The following GABRB2 variants were observed in gnomAD, a reference collection of about 807,000 sequenced individuals.
The protein encoded by GABRB2 is gamma-aminobutyric acid type A receptor subunit beta2.
A neutral mutation model predicts 54.7 loss-of-function variants in GABRB2; 16 were observed. The ratio of observed to expected loss-of-function variants is 0.29; its 90% CI spans 0.20 to 0.44. The LOEUF is 0.44. Among genes scored for constraint, GABRB2 ranks in the 20% least tolerant of loss-of-function variants. The probability of loss-of-function intolerance (pLI) is 1.00; values close to 1 mark genes in which losing one functional copy is unlikely to be tolerated. For missense variants in GABRB2, 355 were observed against 644.0 expected (o/e 0.55, Z 4.86); for synonymous variants, 244 against 233.8 (o/e 1.04, Z -0.40).
intron 3 of GABRB2, among the ~76,000 whole-genome samples, chr5:161,488,056 G>C (rs1296746175): frequency 6.7e-6 from 1 of 148,578 alleles, no homozygotes; most frequent in Non-Finnish European, 1.5e-5. Context: ...AAGAATAATT[G>C]ATCAGGTGAA....
intron 5 of GABRB2, among the ~76,000 whole-genome samples, chr5:161,359,541 T>TA (rs1223359805): frequency 1.3e-5 from 2 of 152,014 alleles, no homozygotes; most frequent in African/African-American, 4.8e-5. Flanking sequence ...GTAGAATAGG[T>TA]ACGCTTTTAC....
In GABRB2 at chr5:161,345,829, G is replaced by A. The variant is rs111294626; in HGVS notation, c.542-9060C>T. ...TTCAAGAGGGTGAAGAACCATGTCC[G>A]GTCCTTCTCTATAGCTCTTTTCCTT... On this transcript the variant is annotated intron_variant, in intron 5 of 9. Coordinates refer to ENST00000393959, the MANE Select transcript of GABRB2 (RefSeq NM_001371727.1). 7.6e-3 allele frequency among the ~76,000 whole-genome samples: 1,151 copies of A among 152,058 alleles called. 21 individuals carry two copies. The highest frequency in any genetic ancestry group is 0.05 in the South Asian group (239 of 4,814).
chr5:161,437,776 C>T (rs1273230770), intron 4 of GABRB2, among the ~76,000 whole-genome samples: 1 of 152,146 alleles, frequency 6.6e-6, no homozygotes, highest in Non-Finnish European at 1.5e-5. Context: ...TCCTCATAGC[C>T]TGGGGTGGTG....
intron 4 of GABRB2, among the ~76,000 whole-genome samples, chr5:161,425,785 TA>T (rs1756980543): frequency 6.6e-6 from 1 of 152,160 alleles, no homozygotes; most frequent in Non-Finnish European, 1.5e-5. Context: ...CATGAGGACA[TA>T]GCTTACATTT....
At chr5:161,305,994 A>T (rs1757680868) in intron 9 of GABRB2, among the ~76,000 whole-genome samples, 1 of 152,228 alleles carries the variant, frequency 6.6e-6, no homozygotes, top group Non-Finnish European at 1.5e-5. Flanking sequence ...GTGAGTAGTA[A>T]ATGTGAAAGT....
intron 3 of GABRB2, among the ~76,000 whole-genome samples, chr5:161,463,518 T>C (rs960512382): frequency 7.1e-6 from 1 of 140,452 alleles, no homozygotes; most frequent in African/African-American, 2.6e-5. Flanking sequence ...AGGATTTTTT[T>C]TGTAGATGTT....
intron 5 of GABRB2, among the ~76,000 whole-genome samples, chr5:161,402,508 T>C (rs1448838200): frequency 6.6e-6 from 1 of 152,144 alleles, no homozygotes. Context: ...AAGAATGCCA[T>C]CATTCAGCCA....
intron 4 of GABRB2, among the ~76,000 whole-genome samples, chr5:161,416,696 CAAAAAAAAAAAAAAAA>C (rs70990782): frequency 2.8e-5 from 1 of 35,120 alleles, no homozygotes; most frequent in Non-Finnish European, 7.1e-5. Flanking sequence ...GACTCCGTCT[CAAAAAAAAAAAAAAAA>C]AAAAAAAAAA....
chr5:161,532,218 T>A (rs1760483540), intron 3 of GABRB2, among the ~76,000 whole-genome samples: 1 of 152,084 alleles, frequency 6.6e-6, no homozygotes. Context: ...TTCATATGTA[T>A]GTATATATGT....
At chr5:161,439,699 T>G (rs1382821228) in intron 4 of GABRB2, among the ~76,000 whole-genome samples, 1 of 152,200 alleles carries the variant, frequency 6.6e-6, no homozygotes, top group Non-Finnish European at 1.5e-5. Flanking sequence ...GTTTTCTTTT[T>G]GCTTGTCTGC....
intron 8 of GABRB2, among the ~76,000 whole-genome samples, chr5:161,328,628 T>C (rs1043333153): frequency 1.3e-5 from 2 of 152,178 alleles, no homozygotes; most frequent in Non-Finnish European, 2.9e-5. Flanking sequence ...TTCTTACACA[T>C]GCTGCTCAAA....
chr5:161,524,628 C>T (rs567211892), intron 3 of GABRB2, among the ~76,000 whole-genome samples: 34 of 151,404 alleles, frequency 2.2e-4, no homozygotes, highest in African/African-American at 7.2e-4. Context: ...CAAGTTTTAA[C>T]GCAATCCTAG....
At chr5:161,315,089 G>T (rs746706851) in intron 9 of GABRB2, among the ~76,000 whole-genome samples, 4 of 152,044 alleles carry the variant, frequency 2.6e-5, no homozygotes, top group Non-Finnish European at 4.4e-5. Flanking sequence ...AATAAAAATT[G>T]AGCATAAAAA....
chr5:161,449,239 A>C (rs932643681), intron 4 of GABRB2, among the ~76,000 whole-genome samples: 1 of 152,156 alleles, frequency 6.6e-6, no homozygotes, highest in Non-Finnish European at 1.5e-5. Flanking sequence ...TTATTCCCCC[A>C]AAGTCTCAGT....
At chr5:161,441,767 A>G (rs1024722691) in intron 4 of GABRB2, among the ~76,000 whole-genome samples, 5 of 152,198 alleles carry the variant, frequency 3.3e-5, no homozygotes, top group Non-Finnish European at 7.3e-5. Context: ...AGTCCTATTC[A>G]GCCACAAAAA....
At chr5:161,400,862 A>G (rs1756162760) in intron 5 of GABRB2, among the ~76,000 whole-genome samples, 1 of 152,166 alleles carries the variant, frequency 6.6e-6, no homozygotes, top group Admixed American at 6.5e-5. Flanking sequence ...AGCTTGTTAC[A>G]CGTGAGGGAT....
intron 5 of GABRB2, among the ~76,000 whole-genome samples, chr5:161,397,317 G>A (rs1307334111): frequency 6.6e-6 from 1 of 152,130 alleles, no homozygotes; most frequent in Non-Finnish European, 1.5e-5. Context: ...CTCAAGGCCG[G>A]CTCATCTGTA....
chr5:161,486,539 C>A (rs1323484816), intron 3 of GABRB2, among the ~76,000 whole-genome samples: 1 of 151,924 alleles, frequency 6.6e-6, no homozygotes, highest in African/African-American at 2.4e-5. Context: ...CTGGTTCTTC[C>A]AGGCATACCA....
intron 9 of GABRB2, among the ~76,000 whole-genome samples, chr5:161,320,792 C>T (rs1033365885): frequency 9.2e-5 from 14 of 151,872 alleles, no homozygotes; most frequent in South Asian, 2.1e-4. Flanking sequence ...GATATATGCT[C>T]TACACAGAGA....
Sources: allele counts gnomAD v4.1 joint callset (sites outside exome capture counted in the v4.1 genomes callset), GRCh38; gene constraint gnomAD v4.1.1; transcripts MANE v1.5; gene names NCBI Gene and HGNC (gene_info 2026-07-23, HGNC 2026-07-21).